Variants in EED observed in about 807,000 individuals in gnomAD.
The protein encoded by EED is polycomb protein EED.
In EED, 9 loss-of-function variants were observed where a neutral mutation model predicts 61.0. The observed-to-expected ratio is 0.15, with a 90% CI of 0.09 to 0.26. The LOEUF is 0.26. Ranked by LOEUF, EED falls within the 10% of genes least tolerant of loss-of-function variation. EED has a pLI of 1.00. For missense variants in EED, 315 were observed against 542.3 expected, an observed-to-expected ratio of 0.58 and a Z score of 4.16; for synonymous variants, 187 against 174.4, an observed-to-expected ratio of 1.07 and a Z score of -0.57.
intron 6 of EED, among the ~76,000 whole-genome samples, chr11:86,260,709 A>G (rs182794886): frequency 7.6e-4 from 115 of 152,306 alleles, no homozygotes; most frequent in African/African-American, 2.3e-3. Flanking sequence ...AAAAGCTAGT[A>G]TCTTGTTCTG....
chr11:86,267,671 G>GCT (rs1344615498), intron 8 of EED, among the ~76,000 whole-genome samples: 1 of 151,938 alleles, frequency 6.6e-6, no homozygotes, highest in African/African-American at 2.4e-5. Flanking sequence ...TGCAATCTTG[G>GCT]CTCACTGCAA....
chr11:86,285,106 GT>G, the EED span, among the ~76,000 whole-genome samples: 7 of 152,178 alleles, frequency 4.6e-5, no homozygotes, highest in South Asian at 1.2e-3. Context: ...GTGAGACTCT[GT>G]CTCAAAAACG....
chr11:86,284,106 C>T, the EED span: 1 of 152,268 alleles, frequency 6.6e-6, no homozygotes, highest in Non-Finnish European at 1.5e-5. Context: ...AAGCAGCTTC[C>T]ACGGTTTATT....
At chr11:86,259,884 C>T (rs1322324595) in intron 6 of EED, among the ~76,000 whole-genome samples, 1 of 152,142 alleles carries the variant, frequency 6.6e-6, no homozygotes, top group African/African-American at 2.4e-5. Flanking sequence ...AATCAGAGCC[C>T]TCTCAGACAC....
chr11:86,266,051 AT>A (rs766054344), intron 7 of EED, 31 bp from the exon 8 acceptor site: 4 of 1,545,828 alleles, frequency 2.6e-6, no homozygotes, highest in Non-Finnish European at 3.5e-6. Context: ...TGGAGCTGTA[AT>A]TTATATAAAA....
At chr11:86,261,579 T>G (rs1381271066) in intron 6 of EED, among the ~76,000 whole-genome samples, 1 of 152,232 alleles carries the variant, frequency 6.6e-6, no homozygotes, top group Non-Finnish European at 1.5e-5. Context: ...GGAACTGCTG[T>G]GTGGCTCTGC....
intron 9 of EED, among the ~76,000 whole-genome samples, chr11:86,275,754 T>G (rs1383803987): frequency 6.6e-6 from 1 of 152,206 alleles, no homozygotes; most frequent in Non-Finnish European, 1.5e-5. Flanking sequence ...TTGAGAAAAC[T>G]CCACAGACTA....
intron 3 of EED, among the ~76,000 whole-genome samples, chr11:86,254,048 C>CAAAAAAAAAAAAAA (rs201298345): frequency 3.0e-4 from 17 of 56,336 alleles, no homozygotes; most frequent in African/African-American, 6.1e-4. Context: ...AACTCTGTCT[C>CAAAAAAAAAAAAAA]AAAAAAAAAA....
intron 9 of EED, chr11:86,270,208 T>C: frequency 3.1e-6 from 2 of 653,146 alleles, no homozygotes. Flanking sequence ...TGTAGTGATA[T>C]CTCATCGTGG....
intron 6 of EED, chr11:86,263,868 C>A: frequency 3.6e-6 from 1 of 277,992 alleles, no homozygotes; most frequent in Middle Eastern, 1.1e-3. Flanking sequence ...AGTATTAATC[C>A]ATTTGTGAGG....
At chr11:86,281,407 CATTTTTTT>C (rs1946321760), downstream of EED, among the ~76,000 whole-genome samples, 1 of 151,588 alleles carries the variant, frequency 6.6e-6, no homozygotes, top group Admixed American at 6.6e-5. Flanking sequence ...TTTGTTTTTT[CATTTTTTT>C]ATTTTCTATT....
chr11:86,270,312 C>T, intron 9 of EED, among the ~76,000 whole-genome samples: 1 of 144,732 alleles, frequency 6.9e-6, no homozygotes, highest in Non-Finnish European at 1.5e-5. Context: ...GATGTCTTTT[C>T]ATATCTTTTG....
At chr11:86,271,941 C>T (rs1370081960) in intron 9 of EED, among the ~76,000 whole-genome samples, 1 of 131,668 alleles carries the variant, frequency 7.6e-6, no homozygotes, top group Non-Finnish European at 1.6e-5. Flanking sequence ...CTGGTCTTAA[C>T]TTTTTTTTTT....
chr11:86,246,236 A>T (rs1238567289), intron 1 of EED, among the ~76,000 whole-genome samples: 4 of 152,226 alleles, frequency 2.6e-5, no homozygotes, highest in Non-Finnish European at 5.9e-5. Context: ...TTCATGTTTT[A>T]GGTTGATAAC....
intron 2 of EED, among the ~76,000 whole-genome samples, chr11:86,250,954 G>C (rs1463142912): frequency 6.6e-6 from 1 of 151,982 alleles, no homozygotes; most frequent in East Asian, 1.9e-4. Context: ...TTAGGGAAAA[G>C]GGGGTTTTGG....
downstream of EED, among the ~76,000 whole-genome samples, chr11:86,281,798 A>T (rs953608286): frequency 6.6e-6 from 1 of 152,190 alleles, no homozygotes; most frequent in African/African-American, 2.4e-5. Context: ...CTACGACTGT[A>T]GGCATGCATC....
chr11:86,267,766 A>ATTTTTTTTTTTTTTTTTTTT, intron 8 of EED: 1 of 108,750 alleles, frequency 9.2e-6, no homozygotes, highest in Non-Finnish European at 1.8e-5. Context: ...TGCCTGGCTA[A>ATTTTTTTTTTTTTTTTTTTT]TTTTTTTTTT....
intron 9 of EED, among the ~76,000 whole-genome samples, chr11:86,273,827 G>A (rs942656749): frequency 6.6e-6 from 1 of 152,134 alleles, no homozygotes; most frequent in Non-Finnish European, 1.5e-5. Flanking sequence ...TTTCAGGATT[G>A]TTTTCTTTGC....
At chr11:86,277,321 G>T (rs1309191219) in intron 10 of EED, 183 bp downstream of exon 10, 6 of 492,202 alleles carry the variant, frequency 1.2e-5, no homozygotes. Flanking sequence ...TACTTTTGTG[G>T]CTCTGCATAT....
Sources: gnomAD v4.1 joint callset for allele counts (sites outside exome capture counted in the v4.1 genomes callset) on GRCh38, gnomAD v4.1.1 for gene constraint, MANE v1.5 for transcripts, NCBI Gene and HGNC (gene_info 2026-07-23, HGNC 2026-07-21) for gene names.